Variants in OPHN1 observed in about 807,000 individuals in gnomAD.
The protein encoded by OPHN1 is oligophrenin-1.
Under a neutral mutation model 60.7 loss-of-function variants are expected in OPHN1, and 11 were observed. That is an observed-to-expected ratio of 0.18 (90% CI 0.11 to 0.30). The LOEUF (loss-of-function observed/expected upper bound fraction) is 0.30, where lower values mean the gene tolerates loss of function less well. Ranked by LOEUF, OPHN1 falls within the 10% of genes least tolerant of loss-of-function variation. The pLI, the probability that OPHN1 is intolerant of heterozygous loss-of-function variation, is 1.00. For missense variants in OPHN1, 449 were observed against 611.0 expected (o/e 0.73, Z 2.80); for synonymous variants, 226 against 222.6 (o/e 1.02, Z -0.14).
At chrX:68,125,925 T>C in intron 15 of OPHN1, among the ~76,000 whole-genome samples, 1 of 10,898 alleles carries the variant, frequency 9.2e-5, no homozygotes, top group East Asian at 2.4e-3. Context: ...CCATAACCAC[T>C]GATCAATATA....
intron 19 of OPHN1, among the ~76,000 whole-genome samples, chrX:68,092,465 T>C (rs1222699754): frequency 1.8e-5 from 2 of 112,343 alleles, no homozygotes; most frequent in African/African-American, 3.2e-5. Flanking sequence ...AGATGTTTCA[T>C]TTGAAATAAA....
At chrX:68,234,422 A>G in intron 6 of OPHN1, 65 bp downstream of exon 6, 1 of 908,131 alleles carries the variant, frequency 1.1e-6, no homozygotes, top group Non-Finnish European at 1.6e-6. Context: ...CTTGCAGTAC[A>G]AAATTCACAC....
intron 10 of OPHN1, among the ~76,000 whole-genome samples, chrX:68,205,504 ACT>A (rs1456522410): frequency 9.0e-6 from 1 of 111,135 alleles, no homozygotes; most frequent in Non-Finnish European, 1.9e-5. Context: ...GATTCCAGAA[ACT>A]CTGTTTGATA....
At chrX:68,164,404 C>A (rs901690734) in intron 15 of OPHN1, among the ~76,000 whole-genome samples, 2 of 112,187 alleles carry the variant, frequency 1.8e-5, no homozygotes, top group African/African-American at 6.5e-5. Flanking sequence ...TTTTAGGAGG[C>A]AGGAAAACAA....
chrX:68,063,733 A>G (rs1384981219), intron 21 of OPHN1, 121 bp downstream of exon 21: 1 of 573,269 alleles, frequency 1.7e-6, no homozygotes, highest in African/African-American at 2.3e-5. Flanking sequence ...CACTGTTCCA[A>G]TATTAGTGGT....
At chrX:68,293,038 T>C (rs1393911075) in intron 3 of OPHN1, among the ~76,000 whole-genome samples, 4 of 112,040 alleles carry the variant, frequency 3.6e-5, no homozygotes, top group African/African-American at 1.3e-4. Context: ...ACCAAAAGAT[T>C]TTCCCCCCAC....
At chrX:68,400,724 CCT>C (rs1182154068) in intron 2 of OPHN1, among the ~76,000 whole-genome samples, 3 of 108,934 alleles carry the variant, frequency 2.8e-5, no homozygotes, top group African/African-American at 1.0e-4. Context: ...GCCTCAGTCC[CCT>C]GAGTGGCTGG....
chrX:68,166,945 G>A (rs1420253479), intron 15 of OPHN1, among the ~76,000 whole-genome samples: 1 of 111,831 alleles, frequency 8.9e-6, no homozygotes, highest in Non-Finnish European at 1.9e-5. Context: ...AAAACATTGG[G>A]GACATTCTCC....
At chrX:68,234,738 G>T in intron 5 of OPHN1, 150 bp from the exon 6 acceptor site, 1 of 484,032 alleles carries the variant, frequency 2.1e-6, no homozygotes, top group Non-Finnish European at 3.6e-6. Flanking sequence ...AATTAACTTT[G>T]TATTGGTCTC....
intron 4 of OPHN1, among the ~76,000 whole-genome samples, chrX:68,279,299 C>T (rs934782123): frequency 3.8e-5 from 4 of 105,294 alleles, no homozygotes; most frequent in African/African-American, 7.0e-5. Flanking sequence ...TTAGTAGAGA[C>T]GGGATTTCAC....
At chrX:68,381,113 C>T (rs778475616) in intron 2 of OPHN1, among the ~76,000 whole-genome samples, 2 of 111,663 alleles carry the variant, frequency 1.8e-5, no homozygotes, top group Admixed American at 1.9e-4. Context: ...ACTTCTAAAG[C>T]TCTCCTTCTC....
At chrX:68,386,852 C>G (rs1056155462) in intron 2 of OPHN1, among the ~76,000 whole-genome samples, 2 of 112,173 alleles carry the variant, frequency 1.8e-5, no homozygotes, top group African/African-American at 6.5e-5. Context: ...CCTACACAGC[C>G]CTTGCTAAGG....
rs780149034 is a variant in OPHN1 at position 68,201,636 on chromosome X, G to A, written c.1008C>T (p.Asp336=). ...TESIDKRFCF[D]IETNERPGTI... ...CAGCTTACCTTTCATTAGTTTCTAT[G>A]TCAAAACAGAACCTCTTGTCGATAG... The change falls in exon 11 of 25, where the codon GAC becomes GAT. Residue 336 remains aspartate, a synonymous_variant. Transcript: ENST00000355520. 154 of 1,208,182 alleles carry A rather than the reference G, an allele frequency of 1.3e-4. 2 individuals are homozygous for A. The South Asian group carries it at 1.4e-3, about 11-fold the overall frequency.
intron 15 of OPHN1, among the ~76,000 whole-genome samples, chrX:68,175,795 T>A (rs766897170): frequency 4.6e-4 from 52 of 112,079 alleles, no homozygotes; most frequent in African/African-American, 1.6e-3. Flanking sequence ...AATAAAGACA[T>A]TCCCTAATGG....
At chrX:68,197,984 G>A (rs1477821082) in intron 11 of OPHN1, among the ~76,000 whole-genome samples, 1 of 110,931 alleles carries the variant, frequency 9.0e-6, no homozygotes. Flanking sequence ...AACTACTAGA[G>A]ACAGGAATTA....
At chrX:68,222,887 C>G (rs4020601) in intron 6 of OPHN1, among the ~76,000 whole-genome samples, 56,998 of 94,445 alleles carry the variant, frequency 0.6, 16,803 homozygotes, top group East Asian at 0.87. Flanking sequence ...TGTAACTAAC[C>G]TGCACAATGT....
intron 2 of OPHN1, among the ~76,000 whole-genome samples, chrX:68,324,383 A>G (rs1035950743): frequency 2.7e-5 from 3 of 109,267 alleles, no homozygotes; most frequent in Non-Finnish European, 5.7e-5. Flanking sequence ...CAAGAGGATC[A>G]TTTGAGCCCA....
At chrX:68,049,439 C>T (rs1404071109) in intron 23 of OPHN1, among the ~76,000 whole-genome samples, 2 of 111,670 alleles carry the variant, frequency 1.8e-5, no homozygotes, top group Non-Finnish European at 3.8e-5. Flanking sequence ...CATCAATGTT[C>T]CATGTTTGAA....
Position 68,160,176 on chromosome X carries a change from G to T in OPHN1, c.1276+32743C>A, listed in dbSNP as rs899241549. On this transcript the variant is annotated intron_variant, in intron 15 of 24. Transcript: ENST00000355520. ...GACTTCAAACCAAAAAATATTAGTAGAAACAAAGAGGAATATTTAATAATA... is the reference window on the plus strand; with the variant it reads ...GACTTCAAACCAAAAAATATTAGTATAAACAAAGAGGAATATTTAATAATA... Among the ~76,000 whole-genome samples the T allele has an allele frequency of 3.6e-5, 4 of 110,016 alleles. 1 individual carries two copies.
Sources: allele counts gnomAD v4.1 joint callset (sites outside exome capture counted in the v4.1 genomes callset), GRCh38; gene constraint gnomAD v4.1.1; transcripts MANE v1.5; gene names NCBI Gene and HGNC (gene_info 2026-07-23, HGNC 2026-07-21).